The following NCOR1 variants were observed in gnomAD, a reference collection of about 807,000 sequenced individuals.
NCOR1 encodes protein phosphatase 1, regulatory subunit 109.
A neutral mutation model predicts 288.1 loss-of-function variants in NCOR1; 63 were observed. The observed-to-expected ratio is 0.22, with a 90% CI of 0.18 to 0.27. The LOEUF (loss-of-function observed/expected upper bound fraction) is 0.27, where lower values mean the gene tolerates loss of function less well. Ranked by LOEUF, NCOR1 falls within the 10% of genes least tolerant of loss-of-function variation. The pLI, the probability that NCOR1 is intolerant of heterozygous loss-of-function variation, is 1.00. For missense variants in NCOR1, 2,397 were observed against 3,019.2 expected (o/e 0.79, Z 4.83); for synonymous variants, 1,007 against 1,065.9 (o/e 0.94, Z 1.08).
At position 16,096,136 on chromosome 17, in the gene NCOR1, G is replaced by A. The variant is rs575691047; in HGVS notation, c.2820+2231C>T. 3.4e-4 allele frequency among the ~76,000 whole-genome samples: 52 copies of A among 152,142 alleles called. 1 individual carries two copies. In the South Asian group the frequency reaches 6.9e-3, roughly 20 times the overall value. On this transcript the variant is annotated intron_variant, in intron 21 of 45. Transcript: ENST00000268712. ...ACAGATGCTTGAAGGCAGCATACTC[G>A]TTGAGAGTCATCACCACTCCCCAAT...
At chr17:16,046,861 T>C (rs973892665) in intron 42 of NCOR1, 90 bp downstream of exon 42, 7 of 1,462,274 alleles carry the variant, frequency 4.8e-6, no homozygotes, top group Non-Finnish European at 4.7e-6. Context: ...TAAAGAGCCT[T>C]CAAACTCAAG....
Position 16,061,609 on chromosome 17 carries a change from C to T in NCOR1, c.5673G>A (p.Lys1891=). ...AAACTACTGAAGAATGAGGCTGGGG[C>T]TTGCCACTTGGAAAGGCTGAAGAAG... is the stretch of plus-strand genomic sequence containing the variant. ...LYTSSAFPSG[K]PQPHSSVVYS... Residue 1891 remains lysine, a synonymous_variant, in exon 37 of 46, where the codon AAG becomes AAA. Transcript: ENST00000268712. The T allele has an allele frequency of 4.3e-6, 7 of 1,614,214 alleles. No individual in the cohort carries two copies. The highest frequency in any genetic ancestry group is 2.2e-5 in the East Asian group (1 of 44,890).
Position 16,158,869 on chromosome 17 carries a change from T to TGTTGCTAAGAGATCCAGAAAGAAAGA in NCOR1, c.619-22_622dup (p.Gln208LeufsTer86). The TGTTGCTAAGAGATCCAGAAAGAAAGA allele has an allele frequency of 6.2e-7, 1 of 1,612,592 alleles. No homozygotes were observed. Among genetic ancestry groups the TGTTGCTAAGAGATCCAGAAAGAAAGA allele is most frequent in the Non-Finnish European group, 8.5e-7 (1 of 1,178,762 alleles). ...AGGTTTAGCTGCCTCTTCTTCAAGC[T>TGTTGCTAAGAGATCCAGAAAGAAAGA]GTTGCTAAGAGATCCAGAAAGAAAG... On this transcript the variant is annotated frameshift_variant, in exon 6 of 46. Transcript: ENST00000268712. LOFTEE classifies it high-confidence loss of function.
chr17:16,174,653 A>ATT (rs1491187944), intron 3 of NCOR1, among the ~76,000 whole-genome samples: 42 of 152,354 alleles, frequency 2.8e-4, no homozygotes, highest in Non-Finnish European at 5.0e-4. Flanking sequence ...CCATAAATAA[A>ATT]TATATAATTT....
chr17:16,166,574 G>T (rs1424890490), intron 4 of NCOR1, among the ~76,000 whole-genome samples: 1 of 152,004 alleles, frequency 6.6e-6, no homozygotes, highest in Non-Finnish European at 1.5e-5. Flanking sequence ...CAGTTACTCG[G>T]GAGGCTGAGG....
chr17:16,168,978 A>C (rs2082593767), intron 4 of NCOR1, among the ~76,000 whole-genome samples: 3 of 151,966 alleles, frequency 2.0e-5, no homozygotes, highest in Admixed American at 2.0e-4. Context: ...AAAAAAAAAA[A>C]CAATGCATGT....
intron 40 of NCOR1, 67 bp from the exon 41 acceptor site, chr17:16,049,055 C>T (rs2059000799): frequency 7.0e-7 from 1 of 1,432,274 alleles, no homozygotes; most frequent in South Asian, 1.5e-5. Flanking sequence ...TAAACAGAAA[C>T]TTGTTAACTC....
At chr17:16,172,711 T>C (rs186349203) in intron 3 of NCOR1, among the ~76,000 whole-genome samples, 2 of 152,280 alleles carry the variant, frequency 1.3e-5, no homozygotes, top group East Asian at 3.9e-4. Flanking sequence ...CTGTCTAGCT[T>C]CCCTAAATAC....
In NCOR1 at chr17:16,073,569, T is replaced by C. The variant is rs767592019; in HGVS notation, c.3671A>G (p.Asn1224Ser). Residue 1224 changes from asparagine (N) to serine (S), a missense_variant and splice_region_variant, in exon 28 of 46, where the codon AAT becomes AGT. Asn to Ser is a conservative substitution (Grantham distance 46). Transcript: ENST00000268712. The part of the protein sequence containing the change: ...GKSGHILSYD[N>S]IKNAREGTRS... ...AGTCCCTTCTCGGGCATTCTTAATA[T>C]CTACAGAATACACAAACAAGACTTG... is the stretch of plus-strand genomic sequence containing the variant. 4.8e-5 allele frequency: 77 copies of C among 1,601,232 alleles called. No homozygotes were observed. The South Asian group carries it at 8.6e-4, about 18-fold the overall frequency.
chr17:16,213,783 T>C (rs1199177017), intron 1 of NCOR1, among the ~76,000 whole-genome samples: 2 of 152,188 alleles, frequency 1.3e-5, no homozygotes, highest in Non-Finnish European at 2.9e-5. Flanking sequence ...CACAGAAAGG[T>C]TGATCAAGTT....
At chr17:16,079,290 AC>A (rs1312061151) in intron 26 of NCOR1, among the ~76,000 whole-genome samples, 1 of 152,244 alleles carries the variant, frequency 6.6e-6, no homozygotes, top group East Asian at 1.9e-4. Flanking sequence ...GAGGATAGTA[AC>A]TAGACAAATA....
chr17:16,177,561 T>C (rs1160789699), intron 3 of NCOR1, among the ~76,000 whole-genome samples: 1 of 152,130 alleles, frequency 6.6e-6, no homozygotes, highest in Non-Finnish European at 1.5e-5. Context: ...AATGGAAGAA[T>C]AGGTATGGCT....
intron 15 of NCOR1, 40 bp downstream of exon 15, chr17:16,126,042 T>C: frequency 1.0e-6 from 1 of 979,290 alleles, no homozygotes; most frequent in Non-Finnish European, 1.5e-6. Context: ...AAAATAAAAA[T>C]AAACATTTAA....
Position 16,073,612 on chromosome 17 carries a change from G to GTA in NCOR1, c.3671-45_3671-44dup, listed in dbSNP as rs748817251. 11 of 1,509,588 alleles carry GTA rather than the reference G, an allele frequency of 7.3e-6. No homozygotes were observed. In the African/African-American group the frequency reaches 1.4e-4, roughly 19 times the overall value. The allele number at this position is 1,509,588 out of a possible 1,614,324, so 93.5% of individuals were successfully genotyped here. Reference sequence around the variant, plus strand: ...AAGACTTGCTCAGACGGAGCACATGGTATACAATGTACAGTAAATAGGTTA... The same window carrying GTA: ...AAGACTTGCTCAGACGGAGCACATGGTATATACAATGTACAGTAAATAGGTTA... On this transcript the variant is annotated intron_variant, in intron 27 of 45. Transcript: ENST00000268712.
At chr17:16,073,009 G>C (rs974964398) in intron 28 of NCOR1, among the ~76,000 whole-genome samples, 1 of 152,214 alleles carries the variant, frequency 6.6e-6, no homozygotes, top group Non-Finnish European at 1.5e-5. Flanking sequence ...AATTTTACCA[G>C]GGAAGGGTGA....
intron 14 of NCOR1, among the ~76,000 whole-genome samples, chr17:16,133,713 G>A (rs761817510): frequency 1.3e-5 from 2 of 152,072 alleles, no homozygotes; most frequent in Non-Finnish European, 2.9e-5. Context: ...TTGGATCTCT[G>A]CTTAGACACC....
intron 3 of NCOR1, 161 bp from the exon 4 acceptor site, chr17:16,172,156 C>T (rs961145406): frequency 4.9e-5 from 26 of 530,430 alleles, no homozygotes; most frequent in Non-Finnish European, 7.7e-5. Context: ...GAATATATAC[C>T]TCACTATAGT....
Position 16,139,086 on chromosome 17 carries a change from T to A in NCOR1, c.1274A>T (p.Glu425Val). ...ATCTTTATACACTTTCATAGGGTCC[T>A]CCATAAGCCCATTCATGTTAATGAA... The part of the protein sequence containing the change: ...VKFINMNGLM[E>V]DPMKVYKDRQ... The change falls in exon 12 of 46, where the codon GAG becomes GTG. Residue 425 changes from glutamate (E) to valine (V), a missense_variant. By Grantham distance (121) the Glu-to-Val change is moderately radical. This residue lies in a region of NCOR1 where 80 missense variants were observed against 100.3 expected (regional missense o/e 0.80). Transcript: ENST00000268712. 1.2e-6 allele frequency: 2 copies of A among 1,612,890 alleles called. No individual in the cohort carries two copies. The highest frequency in any genetic ancestry group is 1.7e-6 in the Non-Finnish European group (2 of 1,179,334).
At chr17:16,049,784 A>C (rs906651358) in intron 40 of NCOR1, among the ~76,000 whole-genome samples, 11 of 152,028 alleles carry the variant, frequency 7.2e-5, no homozygotes, top group African/African-American at 2.7e-4. Context: ...ACGGGGTTTC[A>C]CCATGTTGGC....
Sources: gnomAD v4.1 joint callset for allele counts (sites outside exome capture counted in the v4.1 genomes callset) on GRCh38, gnomAD v4.1.1 for gene constraint, gnomAD v4.1.1 regional missense constraint, MANE v1.5 for transcripts, NCBI Gene and HGNC (gene_info 2026-07-23, HGNC 2026-07-21) for gene names.